The following DOCK10 variants were observed in gnomAD, a reference collection of about 807,000 sequenced individuals.
The protein encoded by DOCK10 is dedicator of cytokinesis 10, also known as dedicator of cytokinesis protein 10.
Under a neutral mutation model 280.1 loss-of-function variants are expected in DOCK10, and 145 were observed. That is an observed-to-expected ratio of 0.52 (90% CI 0.45 to 0.59). DOCK10 has a LOEUF of 0.59. DOCK10 is among the 20% of genes least tolerant of loss of function. The pLI, the probability that DOCK10 is intolerant of heterozygous loss-of-function variation, is 0.00. For missense variants in DOCK10, 2,368 were observed against 2,651.7 expected (o/e 0.89, Z 2.35); for synonymous variants, 915 against 942.2 (o/e 0.97, Z 0.53).
At chr2:224,853,391 T>C (rs16866233) in intron 16 of DOCK10, among the ~76,000 whole-genome samples, 3,312 of 152,344 alleles carry the variant, frequency 0.022, 121 homozygotes, top group African/African-American at 0.074. Flanking sequence ...TATTAAGCTT[T>C]CCATAAAAAT....
intron 52 of DOCK10, among the ~76,000 whole-genome samples, chr2:224,774,502 C>T (rs1040932043): frequency 3.9e-4 from 60 of 152,198 alleles, no homozygotes; most frequent in African/African-American, 1.4e-3. Context: ...CATCTGCATT[C>T]GTTTTACAGA....
chr2:224,766,605 T>C (rs1439155680), intron 55 of DOCK10, among the ~76,000 whole-genome samples: 1 of 152,258 alleles, frequency 6.6e-6, no homozygotes, highest in African/African-American at 2.4e-5. Flanking sequence ...CCAGGTGCAG[T>C]ATACCTATGC....
At chr2:224,966,292 C>T (rs1704738229) in intron 1 of DOCK10, among the ~76,000 whole-genome samples, 1 of 104,398 alleles carries the variant, frequency 9.6e-6, no homozygotes. Context: ...TGGTGCCCCA[C>T]CCCCCACCCC....
intron 19 of DOCK10, among the ~76,000 whole-genome samples, chr2:224,848,446 A>T (rs1696509131): frequency 6.6e-6 from 1 of 152,224 alleles, no homozygotes; most frequent in Non-Finnish European, 1.5e-5. Flanking sequence ...ATTGACCATG[A>T]GCCCAATGAC....
At chr2:224,997,524 G>A (rs1034115791) in intron 1 of DOCK10, among the ~76,000 whole-genome samples, 4 of 152,146 alleles carry the variant, frequency 2.6e-5, no homozygotes, top group African/African-American at 4.8e-5. Flanking sequence ...GAGCCACCGC[G>A]CCCGGCTGTC....
In DOCK10 at chr2:224,801,978, A is replaced by G. The variant is rs1216477502; in HGVS notation, c.4331T>C (p.Ile1444Thr). 6.2e-7 allele frequency: 1 copy of G among 1,613,172 alleles called. No individual in the cohort carries two copies. Residue 1444 changes from isoleucine to threonine, a missense_variant, in exon 40 of 56, where the codon ATT becomes ACT. Ile to Thr is a moderately conservative substitution (Grantham distance 89, BLOSUM62 -1). This residue lies in a region of DOCK10 where 1,159 missense variants were observed against 1,400.8 expected (regional missense o/e 0.83). Coordinates refer to ENST00000258390, the MANE Select transcript of DOCK10 (RefSeq NM_014689.3). The stretch of plus-strand genomic sequence containing the variant: ...GTTAGAAAGTGCATTTTTGCCTCGA[A>G]TTATAGGTAAAGTTTGTGATCTGTG... ...KQHRSQTLPI[I>T]RGKNALSNPK...
chr2:224,792,563 G>A (rs935670351), intron 47 of DOCK10, among the ~76,000 whole-genome samples: 28 of 152,166 alleles, frequency 1.8e-4, no homozygotes, highest in African/African-American at 6.0e-4. Context: ...GATTACAGGC[G>A]TGAGCCACCG....
At chr2:224,886,893 C>G (rs79024270) in intron 4 of DOCK10, among the ~76,000 whole-genome samples, 2 of 149,400 alleles carry the variant, frequency 1.3e-5, no homozygotes, top group African/African-American at 5.0e-5. Flanking sequence ...CCAACACCCC[C>G]CCAAGTAGTA....
intron 13 of DOCK10, among the ~76,000 whole-genome samples, chr2:224,863,643 G>T (rs1697678318): frequency 2.0e-5 from 3 of 151,928 alleles, no homozygotes; most frequent in Non-Finnish European, 4.4e-5. Context: ...TAGTAGAGAC[G>T]GGGTTTCACC....
At chr2:225,031,397 G>A (rs1292941605) in intron 1 of DOCK10, among the ~76,000 whole-genome samples, 1 of 152,230 alleles carries the variant, frequency 6.6e-6, no homozygotes, top group East Asian at 1.9e-4. Flanking sequence ...ATGACGAACT[G>A]TGGAATAAAA....
At chr2:224,939,582 A>G (rs1702891155) in intron 1 of DOCK10, among the ~76,000 whole-genome samples, 1 of 152,230 alleles carries the variant, frequency 6.6e-6, no homozygotes, top group Admixed American at 6.5e-5. Context: ...ATCATTAAAA[A>G]TACATCACAA....
rs1175949576 is a variant in DOCK10 at position 225,027,139 on chromosome 2, T to C, written c.123+15113A>G. Among the ~76,000 whole-genome samples the C allele has an allele frequency of 3.9e-5, 6 of 152,278 alleles. 1 individual carries two copies. In the South Asian group the frequency reaches 6.2e-4, roughly 16 times the overall value. On this transcript the variant is annotated intron_variant, in intron 1 of 55. Transcript: ENST00000258390. The stretch of plus-strand genomic sequence containing the variant: ...AGCCTTGTAGGTCTGAGATCCGTCA[T>C]GGATGAAATGTATTCTCACCTAAAC...
In DOCK10 at chr2:224,867,217, A is replaced by G. The variant is rs1697982775; in HGVS notation, c.1258-2130T>C. On this transcript the variant is annotated intron_variant, in intron 11 of 55. Coordinates refer to ENST00000258390, the MANE Select transcript of DOCK10 (RefSeq NM_014689.3). ...CTCAAGGGTTCATTCTAGCCTTTCC[A>G]TTTTTAATATTGGTAAGTAGGTCCT... 2.6e-5 allele frequency among the ~76,000 whole-genome samples: 4 copies of G among 152,108 alleles called. No individual in the cohort carries two copies. In the South Asian group the frequency reaches 8.3e-4, roughly 31 times the overall value.
chr2:224,845,729 C>CAT, intron 19 of DOCK10, 87 bp from the exon 20 acceptor site: 1 of 1,056,668 alleles, frequency 9.5e-7, no homozygotes, highest in Non-Finnish European at 1.3e-6. Flanking sequence ...TTTAAACAAT[C>CAT]TTTTTTTTTT....
chr2:224,871,191 G>A (rs909766714), intron 11 of DOCK10, among the ~76,000 whole-genome samples: 2 of 152,096 alleles, frequency 1.3e-5, no homozygotes, highest in Admixed American at 6.5e-5. Context: ...GTACCAACAA[G>A]TGAAACATGT....
intron 19 of DOCK10, among the ~76,000 whole-genome samples, chr2:224,846,327 C>T (rs1696349393): frequency 6.6e-6 from 1 of 152,240 alleles, no homozygotes; most frequent in South Asian, 2.1e-4. Context: ...ATTGAATAAA[C>T]AGTAAGTCCG....
At chr2:224,800,886 C>T (rs534874954) in intron 40 of DOCK10, among the ~76,000 whole-genome samples, 22 of 152,126 alleles carry the variant, frequency 1.4e-4, no homozygotes, top group African/African-American at 4.8e-4. Flanking sequence ...TCAATCAATA[C>T]GTGTAAGATG....
intron 3 of DOCK10, among the ~76,000 whole-genome samples, chr2:224,913,876 C>T (rs548204400): frequency 3.3e-5 from 5 of 152,146 alleles, no homozygotes; most frequent in Admixed American, 2.0e-4. Context: ...TACAGGCACC[C>T]GCCACCACGT....
chr2:224,997,186 G>T (rs889626635), intron 1 of DOCK10, among the ~76,000 whole-genome samples: 137 of 151,534 alleles, frequency 9.0e-4, no homozygotes, highest in Middle Eastern at 3.4e-3. Context: ...TGGGGTTGGG[G>T]TTTGTCCCTC....
Sources: allele counts gnomAD v4.1 joint callset (sites outside exome capture counted in the v4.1 genomes callset), GRCh38; gene constraint gnomAD v4.1.1; regional missense constraint gnomAD v4.1.1; transcripts MANE v1.5; gene names NCBI Gene and HGNC (gene_info 2026-07-23, HGNC 2026-07-21).